The following PPP1R3A variants were observed in gnomAD, a reference collection of about 807,000 sequenced individuals.
PPP1R3A encodes the protein protein phosphatase 1 regulatory subunit 3A, also known as RG1.
Under a neutral mutation model 41.7 loss-of-function variants are expected in PPP1R3A, and 29 were observed. The ratio of observed to expected loss-of-function variants is 0.70; its 90% CI spans 0.52 to 0.95. The LOEUF (loss-of-function observed/expected upper bound fraction) is 0.95, where lower values mean the gene tolerates loss of function less well. Ranked by LOEUF, PPP1R3A falls within the 40% of genes least tolerant of loss-of-function variation. PPP1R3A has a pLI of 0.00. For missense variants in PPP1R3A, 1,352 were observed against 1,292.4 expected (o/e 1.05, Z -0.71); for synonymous variants, 485 against 453.4 (o/e 1.07, Z -0.89).
chr7:113,900,117 A>C (rs1023442025), intron 1 of PPP1R3A, among the ~76,000 whole-genome samples: 1 of 151,692 alleles, frequency 6.6e-6, no homozygotes, highest in Non-Finnish European at 1.5e-5. Context: ...AGGAAACATT[A>C]ATTATTTCTA....
Position 113,880,108 on chromosome 7 carries a change from T to A in PPP1R3A, c.984A>T (p.Ile328=). 6.3e-7 allele frequency: 1 copy of A among 1,597,492 alleles called. No homozygotes were observed. Among genetic ancestry groups the A allele is most frequent in the East Asian group, 2.2e-5 (1 of 44,720 alleles). Residue 328 remains isoleucine, a synonymous_variant, in exon 4 of 4, where the codon ATA becomes ATT. Transcript: ENST00000284601. ...CTCTGGAAGCAGTACTTCTGGTTCT[T>A]ATTAAGTGTTGATTTATCTTATGGG... The part of the protein sequence containing the change: ...ELELMINQHL[I]RTRSTASRDE...
intron 1 of PPP1R3A, among the ~76,000 whole-genome samples, chr7:113,917,646 T>A (rs1192335495): frequency 6.6e-6 from 1 of 152,110 alleles, no homozygotes; most frequent in African/African-American, 2.4e-5. Context: ...ATCACTGATA[T>A]ACTTATGTCT....
At chr7:113,914,353 C>G (rs1797304566) in intron 1 of PPP1R3A, among the ~76,000 whole-genome samples, 1 of 152,132 alleles carries the variant, frequency 6.6e-6, no homozygotes, top group Non-Finnish European at 1.5e-5. Flanking sequence ...CTGTTCAATC[C>G]TAAATGAATG....
Position 113,877,662 on chromosome 7 carries a change from A to G in PPP1R3A, c.*61T>C. 1 of 1,485,448 alleles carries G rather than the reference A, an allele frequency of 6.7e-7. No individual in the cohort carries two copies. Among genetic ancestry groups the G allele is most frequent in the Non-Finnish European group, 9.0e-7 (1 of 1,108,704 alleles). The allele number at this position is 1,485,448 out of a possible 1,614,324, so 92.0% of individuals were successfully genotyped here. The stretch of plus-strand genomic sequence containing the variant: ...CTTTGAACAATGAATAGTCCCATTC[A>G]CCAATCCAAATGTTTGGGGTTAAAT... On this transcript the variant is annotated 3_prime_UTR_variant, in exon 4 of 4. Coordinates refer to ENST00000284601, the MANE Select transcript of PPP1R3A (RefSeq NM_002711.4).
chr7:113,917,861 AC>A (rs1168170317), intron 1 of PPP1R3A, among the ~76,000 whole-genome samples: 1 of 152,114 alleles, frequency 6.6e-6, no homozygotes, highest in Non-Finnish European at 1.5e-5. Flanking sequence ...ACATTTAAAA[AC>A]GACTGAAAAT....
At chr7:113,912,376 C>T (rs553924769) in intron 1 of PPP1R3A, among the ~76,000 whole-genome samples, 16 of 152,154 alleles carry the variant, frequency 1.1e-4, no homozygotes, top group Non-Finnish European at 1.9e-4. Context: ...GAAAATCTCA[C>T]ACATGTGTGT....
intron 1 of PPP1R3A, among the ~76,000 whole-genome samples, chr7:113,905,259 A>T (rs1351588988): frequency 1.3e-5 from 2 of 151,732 alleles, no homozygotes; most frequent in Non-Finnish European, 2.9e-5. Context: ...TCATAAAAAT[A>T]TTATAATTTT....
chr7:113,893,798 T>C (rs1426399410), intron 1 of PPP1R3A, among the ~76,000 whole-genome samples: 1 of 152,054 alleles, frequency 6.6e-6, no homozygotes, highest in Non-Finnish European at 1.5e-5. Flanking sequence ...CATTGCCCAG[T>C]ACCTCGGAGC....
Position 113,903,895 on chromosome 7 carries a change from A to C in PPP1R3A, c.782+14320T>G, listed in dbSNP as rs914754089. Among the ~76,000 whole-genome samples the C allele has an allele frequency of 2.6e-5, 4 of 151,802 alleles. No individual in the cohort carries two copies. In the East Asian group the frequency reaches 7.8e-4, roughly 30 times the overall value. ...TGCATTCATCTCCATAAGTATATTT[A>C]TACTGTATGTAAATGTTCTTCTGTT... is the stretch of plus-strand genomic sequence containing the variant. On this transcript the variant is annotated intron_variant, in intron 1 of 3. Transcript: ENST00000284601.
Position 113,879,696 on chromosome 7 carries a change from G to T in PPP1R3A, c.1396C>A (p.Leu466Ile). 6.2e-7 allele frequency: 1 copy of T among 1,613,062 alleles called. No homozygotes were observed. The highest frequency in any genetic ancestry group is 8.5e-7 in the Non-Finnish European group (1 of 1,179,624). Residue 466 changes from leucine (L) to isoleucine (I), a missense_variant, in exon 4 of 4, where the codon CTT becomes ATT. By Grantham distance (5) the Leu-to-Ile change is conservative. Transcript: ENST00000284601. The part of the protein sequence containing the change: ...PSSDQLMAGN[L>I]NKKHEGGAKN... ...GCTCCTCCTTCATGTTTTTTATTAAGGTTTCCTGCCATTAGTTGATCTGAA... is the reference window on the plus strand; with the variant it reads ...GCTCCTCCTTCATGTTTTTTATTAATGTTTCCTGCCATTAGTTGATCTGAA...
intron 1 of PPP1R3A, among the ~76,000 whole-genome samples, chr7:113,906,247 A>G (rs992028110): frequency 1.3e-5 from 2 of 151,816 alleles, no homozygotes; most frequent in African/African-American, 4.8e-5. Flanking sequence ...ATATGCAGTT[A>G]TTGCTGGGAC....
intron 1 of PPP1R3A, among the ~76,000 whole-genome samples, chr7:113,886,514 G>T (rs761672844): frequency 6.6e-6 from 1 of 152,066 alleles, no homozygotes; most frequent in Non-Finnish European, 1.5e-5. Context: ...TTTGTAAATT[G>T]CCCAGTCTTG....
intron 1 of PPP1R3A, among the ~76,000 whole-genome samples, chr7:113,892,434 T>C (rs1796907780): frequency 6.6e-6 from 1 of 152,088 alleles, no homozygotes; most frequent in South Asian, 2.1e-4. Flanking sequence ...AATTCTGCCA[T>C]TTCATAGCCA....
intron 1 of PPP1R3A, among the ~76,000 whole-genome samples, chr7:113,910,939 C>T (rs1272487623): frequency 1.3e-5 from 2 of 152,022 alleles, no homozygotes; most frequent in Non-Finnish European, 2.9e-5. Flanking sequence ...TTTACTACTG[C>T]AAATTTCAAA....
At chr7:113,914,885 C>T (rs1232934991) in intron 1 of PPP1R3A, among the ~76,000 whole-genome samples, 1 of 151,992 alleles carries the variant, frequency 6.6e-6, no homozygotes, top group Non-Finnish European at 1.5e-5. Flanking sequence ...GCCTAAAATC[C>T]TAACTTTGAG....
At chr7:113,916,960 A>C (rs1350346384) in intron 1 of PPP1R3A, among the ~76,000 whole-genome samples, 2 of 152,102 alleles carry the variant, frequency 1.3e-5, no homozygotes, top group Non-Finnish European at 2.9e-5. Flanking sequence ...ATGACTTTAA[A>C]GGAAAATGAA....
At chr7:113,895,157 T>TTC (rs1179126413) in intron 1 of PPP1R3A, among the ~76,000 whole-genome samples, 1 of 151,964 alleles carries the variant, frequency 6.6e-6, no homozygotes, top group Admixed American at 6.6e-5. Context: ...AGTACCAAAC[T>TTC]TCAACTTTTT....
rs116607536 is a variant in PPP1R3A, at chr7:113,888,038, A to T, written c.783-5718T>A. On this transcript the variant is annotated intron_variant, in intron 1 of 3. Transcript: ENST00000284601. ...GCAAGACTCTGTCTCAAGGAAAAAA[A>T]AAAAAGCACAAAAGAAAAAGTCACA... Among the ~76,000 whole-genome samples, 729 of 152,202 alleles carry T rather than the reference A, an allele frequency of 4.8e-3. 8 individuals are homozygous for T. Among genetic ancestry groups the T allele is most frequent in the African/African-American group, 0.016 (677 of 41,554 alleles).
At chr7:113,915,686 T>C (rs752780960) in intron 1 of PPP1R3A, among the ~76,000 whole-genome samples, 1 of 151,168 alleles carries the variant, frequency 6.6e-6, no homozygotes, top group Non-Finnish European at 1.5e-5. Context: ...TTAAGCTACA[T>C]AGGAAGTGTA....
Sources: allele counts gnomAD v4.1 joint callset (sites outside exome capture counted in the v4.1 genomes callset), GRCh38; gene constraint gnomAD v4.1.1; transcripts MANE v1.5; gene names NCBI Gene and HGNC (gene_info 2026-07-23, HGNC 2026-07-21).